CHD6: variants seen among roughly 807,000 people sequenced by gnomAD.
CHD6 encodes ATP-dependent chromatin remodeler CHD6.
CHD6 carries 50 observed loss-of-function variants against 276.9 expected under a neutral mutation model. That is an observed-to-expected ratio of 0.18 (90% confidence interval 0.14 to 0.23). The LOEUF (loss-of-function observed/expected upper bound fraction) is 0.23, where lower values mean the gene tolerates loss of function less well. Among genes scored for constraint, CHD6 ranks in the 10% least tolerant of loss-of-function variants. The pLI, the probability that CHD6 is intolerant of heterozygous loss-of-function variation, is 1.00. For missense variants in CHD6, 2,564 were observed against 3,365.8 expected, an observed-to-expected ratio of 0.76 and a Z score of 5.89; for synonymous variants, 1,173 against 1,229.3, an observed-to-expected ratio of 0.95 and a Z score of 0.96.
rs3746543 is a variant in CHD6 at position 41,405,457 on chromosome 20, A to G, written c.7284T>C (p.Thr2428=). Residue 2428 remains threonine (T), a synonymous_variant, in exon 37 of 37, where the codon ACT becomes ACC. Transcript: ENST00000373233. ...TATCTCGAAGAATAGGCTCAGCCAG[A>G]GTGTGATTGAACTTGTTTTCTGGAA... ...GFLPENKFNH[T]LAEPILRDTG... is the part of the protein sequence containing the mutation. 90,212 of 1,571,362 alleles carry G rather than the reference A, an allele frequency of 0.057. 6,311 individuals carry two copies. The highest frequency in any genetic ancestry group is 0.35 in the East Asian group (15,673 of 44,390).
intron 1 of CHD6, among the ~76,000 whole-genome samples, chr20:41,570,701 T>C (rs953035103): frequency 6.6e-6 from 1 of 152,244 alleles, no homozygotes; most frequent in African/African-American, 2.4e-5. Flanking sequence ...CAACCTCATA[T>C]GCTGTATACT....
chr20:41,531,031 A>AT (rs761155318), intron 3 of CHD6, among the ~76,000 whole-genome samples: 84 of 152,306 alleles, frequency 5.5e-4, no homozygotes, highest in Non-Finnish European at 1.1e-3. Context: ...CAGAATCCTG[A>AT]TTTTGCCTAT....
intron 29 of CHD6, among the ~76,000 whole-genome samples, chr20:41,424,564 A>C (rs2047301480): frequency 6.6e-6 from 1 of 152,180 alleles, no homozygotes; most frequent in Non-Finnish European, 1.5e-5. Context: ...GAAGTAATTA[A>C]ATTTGTTATG....
intron 1 of CHD6, among the ~76,000 whole-genome samples, chr20:41,596,705 G>A (rs995724753): frequency 5.9e-5 from 9 of 151,966 alleles, no homozygotes; most frequent in African/African-American, 2.2e-4. Context: ...AAAGATGAAG[G>A]GCCCATGGAG....
chr20:41,558,306 C>T (rs1431849055), intron 1 of CHD6, among the ~76,000 whole-genome samples: 2 of 152,168 alleles, frequency 1.3e-5, no homozygotes, highest in African/African-American at 4.8e-5. Context: ...ATGTGAATGT[C>T]TTCTCCCCTG....
Position 41,426,864 on chromosome 20 carries a change from G to A in CHD6, c.4069-711C>T, listed in dbSNP as rs188198947. 1.3e-3 allele frequency among the ~76,000 whole-genome samples: 203 copies of A among 152,190 alleles called. 2 individuals are homozygous for A. The highest frequency in any genetic ancestry group is 4.7e-3 in the African/African-American group (196 of 41,520). On this transcript the variant is annotated intron_variant, in intron 27 of 36. Coordinates refer to ENST00000373233, the MANE Select transcript of CHD6 (RefSeq NM_032221.5). ...ATGTAATTCAGGTGGGAATCTGAGG[G>A]GTAACAGAAGTGACTGTGCTATTTT...
intron 24 of CHD6, among the ~76,000 whole-genome samples, chr20:41,446,328 C>T (rs2048067706): frequency 6.6e-6 from 1 of 152,174 alleles, no homozygotes; most frequent in Non-Finnish European, 1.5e-5. Context: ...CACCTCCTGG[C>T]AGTGGTCTAT....
Position 41,415,072 on chromosome 20 carries a change from G to A in CHD6, c.6939+114C>T, listed in dbSNP as rs528587004. Reference sequence around the variant, plus strand: ...TCTTATAATGAGAGAAAATAAAGCAGGACAACCGAAATAGAGATAAAAGAT... The same window carrying A: ...TCTTATAATGAGAGAAAATAAAGCAAGACAACCGAAATAGAGATAAAAGAT... On this transcript the variant is annotated intron_variant, in intron 34 of 36. Transcript: ENST00000373233. 14 of 1,484,916 alleles carry A rather than the reference G, an allele frequency of 9.4e-6. No individual in the cohort carries two copies. In the African/African-American group the frequency reaches 2.0e-4, roughly 21 times the overall value. The allele number at this position is 1,484,916 out of a possible 1,614,324, so 92.0% of individuals were successfully genotyped here.
intron 1 of CHD6, among the ~76,000 whole-genome samples, chr20:41,569,230 A>G (rs1346493962): frequency 1.3e-5 from 2 of 152,224 alleles, no homozygotes; most frequent in Non-Finnish European, 2.9e-5. Flanking sequence ...GTTGTAGTAC[A>G]CTAAAAGCAG....
chr20:41,440,271 A>G (rs1040628371), intron 25 of CHD6, 142 bp from the exon 26 acceptor site: 20 of 763,378 alleles, frequency 2.6e-5, no homozygotes, highest in Admixed American at 1.1e-4. Context: ...ATGAGATCCT[A>G]TAAGACTATC....
chr20:41,530,116 G>A (rs369654909), intron 3 of CHD6, among the ~76,000 whole-genome samples: 7 of 152,194 alleles, frequency 4.6e-5, no homozygotes, highest in African/African-American at 1.7e-4. Context: ...TCAAGTGAGA[G>A]AGTAACAGCA....
intron 33 of CHD6, among the ~76,000 whole-genome samples, chr20:41,416,323 T>C (rs1463805326): frequency 6.6e-6 from 1 of 152,232 alleles, no homozygotes. Flanking sequence ...ATCAGTTTCC[T>C]GCTTGGCCCC....
intron 17 of CHD6, among the ~76,000 whole-genome samples, chr20:41,464,031 A>C (rs2042861902): frequency 6.6e-6 from 1 of 152,202 alleles, no homozygotes; most frequent in African/African-American, 2.4e-5. Context: ...CAAAGGAGAG[A>C]GTGAGAAAGG....
chr20:41,458,864 C>T (rs565797766), intron 17 of CHD6, among the ~76,000 whole-genome samples: 1 of 152,196 alleles, frequency 6.6e-6, no homozygotes, highest in African/African-American at 2.4e-5. Flanking sequence ...TGTGAGTGAG[C>T]CCTGCAGGTA....
At chr20:41,432,160 C>CAAAAAAAAAAAAAAAA (rs572447937) in intron 27 of CHD6, among the ~76,000 whole-genome samples, 74 of 58,924 alleles carry the variant, frequency 1.3e-3, no homozygotes, top group Non-Finnish European at 2.4e-3. Flanking sequence ...AACTCCGTCT[C>CAAAAAAAAAAAAAAAA]AAAAAAAAAA....
chr20:41,418,953 C>T (rs2047091891), intron 31 of CHD6, among the ~76,000 whole-genome samples: 1 of 152,202 alleles, frequency 6.6e-6, no homozygotes, highest in Non-Finnish European at 1.5e-5. Flanking sequence ...TCCTCTAAAC[C>T]ATACTTATCT....
chr20:41,551,189 G>A lies in CHD6; in HGVS notation c.33+116C>T, dbSNP rs957390105. 18 of 713,410 alleles carry A rather than the reference G, an allele frequency of 2.5e-5. No homozygotes were observed. In the African/African-American group the frequency reaches 3.1e-4, roughly 12 times the overall value. The allele number at this position is 713,410 out of a possible 1,614,324, so 44.2% of individuals were successfully genotyped here. On this transcript the variant is annotated intron_variant, in intron 2 of 36. Coordinates refer to ENST00000373233, the MANE Select transcript of CHD6 (RefSeq NM_032221.5). Reference sequence around the variant, plus strand: ...AGAGCTCTCAGTTACTATAATACAGGCAACAGGGAAAGTACCAGAGATTAA... The same window carrying A: ...AGAGCTCTCAGTTACTATAATACAGACAACAGGGAAAGTACCAGAGATTAA...
intron 3 of CHD6, among the ~76,000 whole-genome samples, chr20:41,530,428 A>G (rs1291945095): frequency 1.3e-5 from 2 of 152,212 alleles, no homozygotes; most frequent in Non-Finnish European, 2.9e-5. Context: ...AGTCATTTAT[A>G]ACCATCAAGT....
At chr20:41,536,125 A>C (rs1473047399) in intron 2 of CHD6, among the ~76,000 whole-genome samples, 1 of 152,222 alleles carries the variant, frequency 6.6e-6, no homozygotes, top group African/African-American at 2.4e-5. Flanking sequence ...GAGCTGAAAT[A>C]AAAGCTTTGT....
Sources: gnomAD v4.1 joint callset for allele counts (sites outside exome capture counted in the v4.1 genomes callset) on GRCh38, gnomAD v4.1.1 for gene constraint, MANE v1.5 for transcripts, NCBI Gene and HGNC (gene_info 2026-07-23, HGNC 2026-07-21) for gene names.